The following THADA variants were observed in gnomAD, a reference collection of about 807,000 sequenced individuals.
The protein encoded by THADA is tRNA (32-2'-O)-methyltransferase regulator THADA.
Under a neutral mutation model 219.8 loss-of-function variants are expected in THADA, and 213 were observed. The ratio of observed to expected loss-of-function variants is 0.97; its 90% CI spans 0.87 to 1.09. THADA has a LOEUF of 1.09. THADA is among the 50% of genes least tolerant of loss of function. The probability of loss-of-function intolerance (pLI) is 0.00; values close to 1 mark genes in which losing one functional copy is unlikely to be tolerated. For synonymous variants in THADA, 1,018 were observed against 828.9 expected (o/e 1.23, Z -3.92); for missense variants, 2,956 against 2,311.3 (o/e 1.28, Z -5.72).
chr2:43,255,138 T>C (rs934744499), intron 36 of THADA, among the ~76,000 whole-genome samples: 1 of 152,208 alleles, frequency 6.6e-6, no homozygotes, highest in Non-Finnish European at 1.5e-5. Flanking sequence ...TATGTAGCTT[T>C]TCTCCAACTT....
chr2:43,467,696 C>G (rs1684422689), intron 26 of THADA, among the ~76,000 whole-genome samples: 1 of 152,112 alleles, frequency 6.6e-6, no homozygotes, highest in Non-Finnish European at 1.5e-5. Flanking sequence ...ACAGTATAAA[C>G]TGGTAAATAA....
chr2:43,481,688 G>A (rs1202682566), intron 26 of THADA, among the ~76,000 whole-genome samples: 1 of 152,152 alleles, frequency 6.6e-6, no homozygotes, highest in Non-Finnish European at 1.5e-5. Flanking sequence ...AACTCCTTGA[G>A]TAAGATCCAA....
intron 19 of THADA, among the ~76,000 whole-genome samples, chr2:43,549,756 G>T (rs1696532426): frequency 6.6e-6 from 1 of 151,840 alleles, no homozygotes; most frequent in African/African-American, 2.4e-5. Flanking sequence ...AAAGAAAAAT[G>T]AAGCAGGCAA....
At chr2:43,267,191 G>A (rs930270520) in intron 36 of THADA, among the ~76,000 whole-genome samples, 4 of 152,170 alleles carry the variant, frequency 2.6e-5, no homozygotes, top group African/African-American at 9.7e-5. Context: ...ATTATTAATG[G>A]TTACTTCCTT....
chr2:43,473,770 A>ATGCCTG (rs1558817949), intron 26 of THADA, among the ~76,000 whole-genome samples: 8 of 152,040 alleles, frequency 5.3e-5, no homozygotes, highest in African/African-American at 1.7e-4. Context: ...CACCACACCC[A>ATGCCTG]GCTAATTTTT....
chr2:43,400,582 T>C (rs910830824), intron 28 of THADA, among the ~76,000 whole-genome samples: 2 of 151,628 alleles, frequency 1.3e-5, no homozygotes, highest in Non-Finnish European at 2.9e-5. Context: ...GTTAAGAGAA[T>C]AGAAAATTAG....
At chr2:43,347,244 T>C (rs548251442) in intron 29 of THADA, among the ~76,000 whole-genome samples, 48 of 152,338 alleles carry the variant, frequency 3.2e-4, no homozygotes, top group African/African-American at 9.6e-4. Flanking sequence ...TGGCGTATAA[T>C]AATATCTAAC....
At chr2:43,301,789 G>A (rs1676292945) in intron 31 of THADA, among the ~76,000 whole-genome samples, 1 of 152,156 alleles carries the variant, frequency 6.6e-6, no homozygotes, top group South Asian at 2.1e-4. Flanking sequence ...GGGATTGACG[G>A]CTACTGTTTT....
In THADA at chr2:43,587,560, C is replaced by G. The variant is rs1401388563; in HGVS notation, c.303-558G>C. 2.0e-5 allele frequency among the ~76,000 whole-genome samples: 3 copies of G among 152,122 alleles called. No homozygotes were observed. In the East Asian group the frequency reaches 5.8e-4, roughly 29 times the overall value. On this transcript the variant is annotated intron_variant, in intron 4 of 37. Transcript: ENST00000405975. ...ATACTCTTCCTTCAAATATACCCAGCAATCACTGCCTCATCCCTTTCAGGT... is the reference window on the plus strand; with the variant it reads ...ATACTCTTCCTTCAAATATACCCAGGAATCACTGCCTCATCCCTTTCAGGT...
rs148467952 is a variant in THADA at position 43,430,980 on chromosome 2, G to T, written c.3837-678C>A. Among the ~76,000 whole-genome samples, 116 of 152,330 alleles carry T rather than the reference G, an allele frequency of 7.6e-4. 1 individual carries two copies. Among genetic ancestry groups the T allele is most frequent in the African/African-American group, 2.8e-3 (116 of 41,568 alleles). On this transcript the variant is annotated intron_variant, in intron 26 of 37. Transcript: ENST00000405975. The stretch of plus-strand genomic sequence containing the variant: ...TGGAAATCTAATCCTTGCTGAACTT[G>T]TAAGAATTATCTTTTTCAACTTTAT...
chr2:43,459,514 G>A (rs139520147), intron 26 of THADA, among the ~76,000 whole-genome samples: 2,503 of 152,180 alleles, frequency 0.016, 32 homozygotes, highest in Non-Finnish European at 0.025. Flanking sequence ...CCAAAGAGCT[G>A]ATATTCTAGT....
intron 26 of THADA, among the ~76,000 whole-genome samples, chr2:43,478,104 T>TAAA (rs1173538974): frequency 1.3e-5 from 2 of 152,194 alleles, no homozygotes; most frequent in Non-Finnish European, 2.9e-5. Flanking sequence ...CAATAAATGG[T>TAAA]AAACTCCTTG....
chr2:43,594,724 G>A (rs1319572041), intron 1 of THADA, among the ~76,000 whole-genome samples: 1 of 152,112 alleles, frequency 6.6e-6, no homozygotes, highest in Non-Finnish European at 1.5e-5. Flanking sequence ...TGTACTTCCT[G>A]ATGCTCTTAT....
rs74261764 is a variant in THADA at position 43,410,634 on chromosome 2, T to C, written c.4059-12495A>G. 3.7e-3 allele frequency among the ~76,000 whole-genome samples: 564 copies of C among 151,430 alleles called. 26 individuals are homozygous for C. In the East Asian group the frequency reaches 0.1, roughly 28 times the overall value. ...TACTGAGTGAAAAAGCCAGACAAAA[T>C]AGAATGCATCCTGTATGAGTCCGTT... On this transcript the variant is annotated intron_variant, in intron 28 of 37. Coordinates refer to ENST00000405975, the MANE Select transcript of THADA (RefSeq NM_022065.5).
chr2:43,366,844 C>T (rs562347124), intron 29 of THADA, among the ~76,000 whole-genome samples: 2 of 152,254 alleles, frequency 1.3e-5, no homozygotes, highest in Admixed American at 1.3e-4. Context: ...GTTCAATGTA[C>T]AGCATTGATC....
chr2:43,241,779 G>A (rs1435671222), intron 36 of THADA, among the ~76,000 whole-genome samples: 1 of 151,998 alleles, frequency 6.6e-6, no homozygotes, highest in Non-Finnish European at 1.5e-5. Context: ...CTCCCATCGC[G>A]CGCCTTTCAC....
intron 25 of THADA, among the ~76,000 whole-genome samples, chr2:43,491,835 C>T (rs1016829644): frequency 6.6e-6 from 1 of 152,138 alleles, no homozygotes; most frequent in Non-Finnish European, 1.5e-5. Context: ...CTATCCTTCT[C>T]ACGAGGGAAG....
intron 29 of THADA, among the ~76,000 whole-genome samples, chr2:43,347,853 G>C (rs947715995): frequency 6.6e-6 from 1 of 152,216 alleles, no homozygotes; most frequent in African/African-American, 2.4e-5. Flanking sequence ...GTCGGGTCTA[G>C]TCAGACAAAG....
intron 26 of THADA, among the ~76,000 whole-genome samples, chr2:43,481,027 C>A (rs146524504): frequency 5.8e-4 from 89 of 152,306 alleles, no homozygotes; most frequent in African/African-American, 2.0e-3. Context: ...GAATTCAATT[C>A]TTTCCCAAAC....
Sources: allele counts gnomAD v4.1 joint callset (sites outside exome capture counted in the v4.1 genomes callset), GRCh38; gene constraint gnomAD v4.1.1; transcripts MANE v1.5; gene names NCBI Gene and HGNC (gene_info 2026-07-23, HGNC 2026-07-21).